Variants in PAK5 observed in about 807,000 individuals in gnomAD.
PAK5 encodes p21 (RAC1) activated kinase 5.
PAK5 carries 16 observed loss-of-function variants against 65.9 expected under a neutral mutation model. That is an observed-to-expected ratio of 0.24 (90% confidence interval 0.16 to 0.37). PAK5 has a LOEUF of 0.37. Among genes scored for constraint, PAK5 ranks in the 10% least tolerant of loss-of-function variants. PAK5 has a pLI of 1.00. For missense variants in PAK5, 785 were observed against 903.9 expected, an observed-to-expected ratio of 0.87 and a Z score of 1.69; for synonymous variants, 371 against 354.9, an observed-to-expected ratio of 1.05 and a Z score of -0.51.
At position 9,828,549 on chromosome 20, in the gene PAK5, A is replaced by C. The variant is rs76220046; in HGVS notation, c.-162+10213T>G. Among the ~76,000 whole-genome samples, 117 of 152,334 alleles carry C rather than the reference A, an allele frequency of 7.7e-4. 2 individuals are homozygous for C. The East Asian group carries it at 0.019, about 25-fold the overall frequency. Reference sequence around the variant, plus strand: ...TAAAGTGTGAATTTTCTATTCTTCCAGAAAGTTCACTTCCTGGGTCAGTAA... The same window carrying C: ...TAAAGTGTGAATTTTCTATTCTTCCCGAAAGTTCACTTCCTGGGTCAGTAA... On this transcript the variant is annotated intron_variant, in intron 1 of 9. Coordinates refer to ENST00000353224, the MANE Select transcript of PAK5 (RefSeq NM_177990.4).
At chr20:9,756,211 T>G (rs1478101586) in intron 1 of PAK5, among the ~76,000 whole-genome samples, 1 of 152,236 alleles carries the variant, frequency 6.6e-6, no homozygotes, top group East Asian at 1.9e-4. Context: ...AATATTAATA[T>G]TCTATAAAAT....
At chr20:9,736,797 G>A (rs1219073361) in intron 1 of PAK5, among the ~76,000 whole-genome samples, 1 of 152,146 alleles carries the variant, frequency 6.6e-6, no homozygotes, top group Admixed American at 6.6e-5. Context: ...TGGTCTCCAT[G>A]TTATTTTATG....
chr20:9,829,813 A>T (rs1978563455), intron 1 of PAK5, among the ~76,000 whole-genome samples: 1 of 152,236 alleles, frequency 6.6e-6, no homozygotes, highest in Admixed American at 6.5e-5. Context: ...CCTTCATAAC[A>T]ACGTAGAAGC....
intron 1 of PAK5, among the ~76,000 whole-genome samples, chr20:9,735,388 A>C (rs137964020): frequency 6.6e-5 from 10 of 152,294 alleles, no homozygotes; most frequent in Non-Finnish European, 1.3e-4. Flanking sequence ...TGATCAATTC[A>C]AGCATGTGAG....
chr20:9,768,916 C>T (rs2048802925), intron 1 of PAK5, among the ~76,000 whole-genome samples: 1 of 150,762 alleles, frequency 6.6e-6, no homozygotes, highest in Non-Finnish European at 1.5e-5. Flanking sequence ...CTATTATGTT[C>T]CCATAGTAAT....
chr20:9,691,353 G>A (rs747860181), intron 2 of PAK5, among the ~76,000 whole-genome samples: 3 of 151,950 alleles, frequency 2.0e-5, no homozygotes, highest in Non-Finnish European at 4.4e-5. Flanking sequence ...GAAGAGCGAG[G>A]GTAAAGAAGA....
At chr20:9,712,785 T>G (rs2423433) in intron 1 of PAK5, among the ~76,000 whole-genome samples, 102,185 of 151,840 alleles carry the variant, frequency 0.67, 34,616 homozygotes, top group East Asian at 0.85. Flanking sequence ...GTCTGTTTAA[T>G]AAATGATGCT....
Position 9,679,094 on chromosome 20 carries a change from C to G in PAK5, c.-12+32192G>C, listed in dbSNP as rs150079543. On this transcript the variant is annotated intron_variant, in intron 2 of 9. Coordinates refer to ENST00000353224, the MANE Select transcript of PAK5 (RefSeq NM_177990.4). ...TCCCCATCCTCCTCAGTCTCCTCAG[C>G]ATAAAGCGAGGATGAAGATATATAC... is the stretch of plus-strand genomic sequence containing the variant. Among the ~76,000 whole-genome samples the G allele has an allele frequency of 5.9e-3, 904 of 152,270 alleles. 16 individuals carry two copies. The highest frequency in any genetic ancestry group is 0.04 in the Admixed American group (604 of 15,290).
intron 7 of PAK5, among the ~76,000 whole-genome samples, chr20:9,554,012 T>C (rs2045469813): frequency 6.6e-6 from 1 of 152,230 alleles, no homozygotes; most frequent in Admixed American, 6.5e-5. Context: ...TTCATTTTAG[T>C]CATTCTTAAA....
intron 1 of PAK5, among the ~76,000 whole-genome samples, chr20:9,835,674 G>C (rs1979090126): frequency 1.3e-5 from 2 of 152,216 alleles, no homozygotes; most frequent in Admixed American, 6.5e-5. Flanking sequence ...TAGTGGTGGT[G>C]GTGGGGATAG....
chr20:9,621,615 T>C (rs1369521612), intron 3 of PAK5, among the ~76,000 whole-genome samples: 4 of 152,050 alleles, frequency 2.6e-5, no homozygotes, highest in African/African-American at 9.7e-5. Flanking sequence ...CAAGAAAGAA[T>C]GAGAATACCA....
At chr20:9,582,300 G>A (rs2045993102) in intron 3 of PAK5, among the ~76,000 whole-genome samples, 1 of 152,122 alleles carries the variant, frequency 6.6e-6, no homozygotes, top group Admixed American at 6.5e-5. Flanking sequence ...TCTGATCTGT[G>A]ACAGTTTCTC....
chr20:9,670,453 T>C (rs978846756), intron 2 of PAK5, among the ~76,000 whole-genome samples: 1 of 152,180 alleles, frequency 6.6e-6, no homozygotes, highest in African/African-American at 2.4e-5. Flanking sequence ...GACTTTTTAA[T>C]GATTGCCATT....
intron 4 of PAK5, among the ~76,000 whole-genome samples, chr20:9,569,148 C>T (rs771854778): frequency 6.6e-6 from 1 of 152,176 alleles, no homozygotes; most frequent in Non-Finnish European, 1.5e-5. Context: ...TTGAACAGCA[C>T]TATTTTTTGC....
rs369530946 is a variant in PAK5, at chr20:9,737,094, CA to C, written c.-161-25660del. On this transcript the variant is annotated intron_variant, in intron 1 of 9. Transcript: ENST00000353224. Reference sequence around the variant, plus strand: ...AAAGTGAAATAAAGATATTTTGAGACAAAAAAAAAAGCCTGATGGAACAAAT... The same window carrying C: ...AAAGTGAAATAAAGATATTTTGAGACAAAAAAAAAGCCTGATGGAACAAAT... Among the ~76,000 whole-genome samples the C allele has an allele frequency of 5.0e-3, 689 of 138,208 alleles. 5 individuals carry two copies. Among genetic ancestry groups the C allele is most frequent in the African/African-American group, 0.015 (579 of 37,684 alleles). 90.7% of individuals were successfully genotyped at this position (138,208 alleles called of 152,430 possible).
At chr20:9,741,428 C>T (rs956580613) in intron 1 of PAK5, among the ~76,000 whole-genome samples, 4 of 152,038 alleles carry the variant, frequency 2.6e-5, no homozygotes, top group East Asian at 1.9e-4. Flanking sequence ...ATGTCTAGCA[C>T]GGTTAGCAAT....
intron 2 of PAK5, among the ~76,000 whole-genome samples, chr20:9,696,259 A>G (rs941650784): frequency 2.6e-5 from 4 of 152,136 alleles, no homozygotes; most frequent in African/African-American, 9.6e-5. Flanking sequence ...CCTCTGGACC[A>G]TCAGCATAGG....
chr20:9,706,831 A>T (rs560563565), intron 2 of PAK5, among the ~76,000 whole-genome samples: 9 of 151,926 alleles, frequency 5.9e-5, no homozygotes, highest in Non-Finnish European at 1.3e-4. Flanking sequence ...CTAAGAGATA[A>T]TCTTAACAAT....
intron 6 of PAK5, among the ~76,000 whole-genome samples, chr20:9,558,068 A>T (rs1423246310): frequency 6.7e-6 from 1 of 150,212 alleles, no homozygotes; most frequent in Non-Finnish European, 1.5e-5. Context: ...TCATTCATTC[A>T]TTCTTTGAGA....
Sources: allele counts gnomAD v4.1 joint callset (sites outside exome capture counted in the v4.1 genomes callset), GRCh38; gene constraint gnomAD v4.1.1; transcripts MANE v1.5; gene names NCBI Gene and HGNC (gene_info 2026-07-23, HGNC 2026-07-21).